The following BMS1 variants were observed in gnomAD, a reference collection of about 807,000 sequenced individuals.
BMS1 encodes ribosome biogenesis protein BMS1 homolog.
In BMS1, 53 loss-of-function variants were observed where a neutral mutation model predicts 138.7. That is an observed-to-expected ratio of 0.38 (90% CI 0.31 to 0.48). The LOEUF (loss-of-function observed/expected upper bound fraction) is 0.48, where lower values mean the gene tolerates loss of function less well. Among genes scored for constraint, BMS1 ranks in the 20% least tolerant of loss-of-function variants. BMS1 has a pLI of 0.97. For missense variants in BMS1, 1,360 were observed against 1,565.5 expected, an observed-to-expected ratio of 0.87 and a Z score of 2.22; for synonymous variants, 504 against 539.9, an observed-to-expected ratio of 0.93 and a Z score of 0.92.
chr10:42,827,052 C>T (rs1163842148), intron 21 of BMS1, among the ~76,000 whole-genome samples: 3 of 152,120 alleles, frequency 2.0e-5, no homozygotes, highest in African/African-American at 4.8e-5. Context: ...ATTTGGGTCA[C>T]AGGGCAGATC....
chr10:42,823,153 T>C lies in BMS1; in HGVS notation c.3168T>C (p.Phe1056=), dbSNP rs757303273. 1.2e-6 allele frequency: 2 copies of C among 1,606,514 alleles called. No individual in the cohort carries two copies. Among genetic ancestry groups the C allele is most frequent in the Non-Finnish European group, 1.7e-6 (2 of 1,177,990 alleles). Residue 1056 remains phenylalanine, a synonymous_variant, in exon 20 of 23, where the codon TTT becomes TTC. Transcript: ENST00000374518. Reference sequence around the variant, plus strand: ...ATTCTGCCTTGGAAGTGGCCAAATTTGAAGGTGCTGTGATTCGAACAGTCA... The same window carrying C: ...ATTCTGCCTTGGAAGTGGCCAAATTCGAAGGTGCTGTGATTCGAACAGTCA... ...MFNSALEVAK[F]EGAVIRTVSG...
At chr10:42,806,596 G>A (rs541427537) in intron 13 of BMS1, among the ~76,000 whole-genome samples, 90 of 152,140 alleles carry the variant, frequency 5.9e-4, no homozygotes, top group African/African-American at 2.0e-3. Context: ...TTAGCCAAGC[G>A]TGGTGGCACA....
chr10:42,785,741 T>C, intron 3 of BMS1, 69 bp downstream of exon 3: 2 of 1,505,710 alleles, frequency 1.3e-6, no homozygotes, highest in South Asian at 2.4e-5. Flanking sequence ...CATGCGTTTG[T>C]TGTTTTCTTG....
intron 22 of BMS1, 51 bp downstream of exon 22, chr10:42,830,473 A>G (rs781268468): frequency 1.3e-6 from 2 of 1,557,746 alleles, no homozygotes; most frequent in South Asian, 1.2e-5. Context: ...GGAAAAGAAC[A>G]CTCTCAATAG....
At position 42,793,101 on chromosome 10, in the gene BMS1, A is replaced by C. The variant is rs1276923208; in HGVS notation, c.1046A>C (p.Lys349Thr). Reference protein sequence around the residue: ...LSGVGGVLYDKDAVYVDLGGS... With the variant: ...LSGVGGVLYDTDAVYVDLGGS... ...GGAGTTGGGGGTGTGCTGTATGACA[A>C]AGACGCTGTCTATGTTGACCTTGGT... Residue 349 changes from lysine to threonine, a missense_variant, in exon 8 of 23, where the codon AAA becomes ACA. Physicochemically the swap from Lys to Thr is moderately conservative, Grantham distance 78 (BLOSUM62 -1). Around this residue, in one of 3 missense-constraint regions of BMS1, gnomAD observed 697 missense variants for 686.2 expected, o/e 1.02. Coordinates refer to ENST00000374518, the MANE Select transcript of BMS1 (RefSeq NM_014753.4). 2.5e-6 allele frequency: 4 copies of C among 1,613,522 alleles called. No homozygotes were observed. Among genetic ancestry groups the C allele is most frequent in the Non-Finnish European group, 3.4e-6 (4 of 1,179,788 alleles).
rs762499706 is a variant in BMS1 at position 42,792,564 on chromosome 10, G to A, written c.851G>A (p.Gly284Asp). Residue 284 changes from glycine (G) to aspartate (D), a missense_variant, in exon 7 of 23, where the codon GGT becomes GAT. Physicochemically the swap from Gly to Asp is moderately conservative, Grantham distance 94. Transcript: ENST00000374518. ...IKCDRKVSLY[G>D]YLRGAHLKNK... ...TGTGACCGGAAGGTGTCACTTTATG[G>A]TTATTTAAGAGGAGCACACTTGAAA... The A allele has an allele frequency of 9.9e-6, 16 of 1,611,170 alleles. No individual in the cohort carries two copies. The highest frequency in any genetic ancestry group is 1.7e-5 in the Admixed American group (1 of 59,992).
intron 13 of BMS1, among the ~76,000 whole-genome samples, chr10:42,803,754 C>A (rs1010896814): frequency 2.6e-5 from 4 of 152,128 alleles, no homozygotes; most frequent in African/African-American, 9.7e-5. Context: ...TTAATCACTT[C>A]AGTGAGGTAT....
intron 13 of BMS1, among the ~76,000 whole-genome samples, chr10:42,805,561 G>A (rs1006489033): frequency 1.3e-5 from 2 of 152,150 alleles, no homozygotes; most frequent in African/African-American, 4.8e-5. Context: ...CATGGAACTT[G>A]TAAACAATTT....
chr10:42,790,221 C>T (rs573870909), intron 4 of BMS1, 102 bp from the exon 5 acceptor site: 210 of 1,074,772 alleles, frequency 2.0e-4, no homozygotes, highest in Non-Finnish European at 2.8e-4. Context: ...TAGTTACAAA[C>T]ACAGGTGATG....
chr10:42,815,251 G>T (rs1037152817), intron 13 of BMS1, among the ~76,000 whole-genome samples: 4 of 152,206 alleles, frequency 2.6e-5, no homozygotes, highest in Admixed American at 6.5e-5. Flanking sequence ...TCCTTGGGTT[G>T]AAGAATGTGG....
At chr10:42,783,508 A>G (rs191229623) in intron 1 of BMS1, among the ~76,000 whole-genome samples, 2 of 152,222 alleles carry the variant, frequency 1.3e-5, no homozygotes, top group Admixed American at 1.3e-4. Context: ...ACAAATATTT[A>G]TTCAACGGAA....
At chr10:42,823,857 T>G in intron 21 of BMS1, 73 bp downstream of exon 21, 1 of 1,236,726 alleles carries the variant, frequency 8.1e-7, no homozygotes, top group Non-Finnish European at 1.0e-6. Context: ...GACACTTTTC[T>G]ATAATTTCTT....
At position 42,797,543 on chromosome 10, in the gene BMS1, A is replaced by G. The variant is rs1210394018; in HGVS notation, c.2089+20A>G. 2 of 1,608,360 alleles carry G rather than the reference A, an allele frequency of 1.2e-6. No homozygotes were observed. Among genetic ancestry groups the G allele is most frequent in the South Asian group, 1.1e-5 (1 of 90,940 alleles). ...GGACAGGTAAAGAATTCTGGTTCAG[A>G]ACTAGAAATGTTTTAGTTTCTCTGA... On this transcript the variant is annotated intron_variant, in intron 11 of 22. Transcript: ENST00000374518.
Position 42,798,406 on chromosome 10 carries a change from A to G in BMS1, c.2090-62A>G, listed in dbSNP as rs541980977. The G allele has an allele frequency of 1.0e-3, 1,591 of 1,598,350 alleles. 2 individuals are homozygous for G. Among genetic ancestry groups the G allele is most frequent in the Non-Finnish European group, 1.3e-3 (1,520 of 1,168,422 alleles). On this transcript the variant is annotated intron_variant, in intron 11 of 22. Transcript: ENST00000374518. ...AGACTCATGGCCTAACTGGTTGAAA[A>G]TGATGAGTCCTCTAGGGCTGTAATT...
At chr10:42,817,231 T>G in intron 14 of BMS1, 87 bp from the exon 15 acceptor site, 1 of 1,062,170 alleles carries the variant, frequency 9.4e-7, no homozygotes, top group Non-Finnish European at 1.4e-6. Flanking sequence ...GCTAAGATTC[T>G]TGTTTAAATA....
Position 42,820,286 on chromosome 10 carries a change from T to C in BMS1, c.2631T>C (p.Tyr877=), listed in dbSNP as rs1471911968. ...EDQDDEARVQ[Y]EGFRPGMYVR... ...AAGATGATGAAGCCAGAGTTCAGTA[T>C]GAGGGTTTTCGACCTGGGATGTACG... Residue 877 remains tyrosine (Y), a synonymous_variant, in exon 16 of 23, where the codon TAT becomes TAC. Transcript: ENST00000374518. The C allele has an allele frequency of 1.9e-6, 3 of 1,613,642 alleles. No individual in the cohort carries two copies. Among genetic ancestry groups the C allele is most frequent in the Admixed American group, 3.3e-5 (2 of 60,020 alleles).
Position 42,787,111 on chromosome 10 carries a change from T to C in BMS1, c.368-57T>C, listed in dbSNP as rs1841359067. ...TTAAAAAATGAAAATTAAGAGTTGA[T>C]GGTTAGAGTTTTTTCAGGGTCTTTT... On this transcript the variant is annotated intron_variant, in intron 3 of 22. Transcript: ENST00000374518. 1.0e-5 allele frequency: 8 copies of C among 787,896 alleles called. No homozygotes were observed. The Admixed American group carries it at 1.1e-4, about 11-fold the overall frequency. The allele number at this position is 787,896 out of a possible 1,614,324, so 48.8% of individuals were successfully genotyped here.
intron 13 of BMS1, among the ~76,000 whole-genome samples, chr10:42,810,393 T>C (rs1842137777): frequency 6.6e-6 from 1 of 152,184 alleles, no homozygotes; most frequent in African/African-American, 2.4e-5. Context: ...TATAGTACTT[T>C]GTTGAGGACT....
At chr10:42,825,090 C>T (rs1842601023) in intron 21 of BMS1, among the ~76,000 whole-genome samples, 2 of 152,036 alleles carry the variant, frequency 1.3e-5, no homozygotes, top group African/African-American at 4.8e-5. Flanking sequence ...CTCACTGAAA[C>T]CTCTGCCTCC....
Sources: allele counts gnomAD v4.1 joint callset (sites outside exome capture counted in the v4.1 genomes callset), GRCh38; gene constraint gnomAD v4.1.1; regional missense constraint gnomAD v4.1.1; transcripts MANE v1.5; gene names NCBI Gene and HGNC (gene_info 2026-07-23, HGNC 2026-07-21).